TRPM3: variants seen among roughly 807,000 people sequenced by gnomAD.
The protein encoded by TRPM3 is long transient receptor potential channel 3.
In TRPM3, 77 loss-of-function variants were observed where a neutral mutation model predicts 181.2. That is an observed-to-expected ratio of 0.42 (90% CI 0.35 to 0.51). The LOEUF (loss-of-function observed/expected upper bound fraction) is 0.51. TRPM3 is among the 20% of genes least tolerant of loss of function. The pLI is 0.01. For synonymous variants in TRPM3, 745 were observed against 796.4 expected (o/e 0.94, Z 1.09); for missense variants, 1,759 against 2,196.7 (o/e 0.80, Z 3.98).
chr9:71,426,835 T>A (rs1054127309), intron 1 of TRPM3, among the ~76,000 whole-genome samples: 6 of 151,982 alleles, frequency 3.9e-5, no homozygotes, highest in Non-Finnish European at 7.4e-5. Context: ...AAAAAAAAAA[T>A]TCAGACCTAA....
intron 1 of TRPM3, among the ~76,000 whole-genome samples, chr9:71,431,258 G>A (rs1181334166): frequency 6.6e-6 from 1 of 152,084 alleles, no homozygotes; most frequent in Non-Finnish European, 1.5e-5. Flanking sequence ...AAGTTTTCTA[G>A]ATCTGGTTTT....
chr9:71,215,047 C>CAAAAAAAAAAAAAAAAAAAAA (rs72383590), intron 1 of TRPM3, among the ~76,000 whole-genome samples: 1 of 112,556 alleles, frequency 8.9e-6, no homozygotes, highest in Non-Finnish European at 1.9e-5. Flanking sequence ...AAAAAAAAAA[C>CAAAAAAAAAAAAAAAAAAAAA]AAAAAAAAAA....
At chr9:71,063,156 AG>A (rs984526501) in intron 1 of TRPM3, among the ~76,000 whole-genome samples, 14 of 152,088 alleles carry the variant, frequency 9.2e-5, no homozygotes, top group Non-Finnish European at 1.8e-4. Flanking sequence ...TCATCAAAGC[AG>A]GTCTTGATTC....
chr9:71,388,542 A>G (rs1323036255), intron 1 of TRPM3, among the ~76,000 whole-genome samples: 1 of 152,150 alleles, frequency 6.6e-6, no homozygotes, highest in Non-Finnish European at 1.5e-5. Context: ...CTTAAGAAAA[A>G]TGTAAGTCAT....
At chr9:71,312,713 A>G (rs1302308563) in intron 1 of TRPM3, among the ~76,000 whole-genome samples, 1 of 152,208 alleles carries the variant, frequency 6.6e-6, no homozygotes, top group Admixed American at 6.6e-5. Context: ...AATATTATTC[A>G]GTGCCAAAAA....
chr9:71,440,260 G>A (rs1390179123), intron 1 of TRPM3, among the ~76,000 whole-genome samples: 1 of 152,112 alleles, frequency 6.6e-6, no homozygotes, highest in African/African-American at 2.4e-5. Context: ...TTCACCCAAG[G>A]CTACACAGCT....
At chr9:71,112,910 C>T (rs901020109) in intron 1 of TRPM3, among the ~76,000 whole-genome samples, 1 of 152,110 alleles carries the variant, frequency 6.6e-6, no homozygotes, top group Non-Finnish European at 1.5e-5. Flanking sequence ...AGGTCTGGTG[C>T]AGGTTTTCCA....
intron 1 of TRPM3, among the ~76,000 whole-genome samples, chr9:71,308,449 G>C (rs568966680): frequency 1.4e-4 from 21 of 152,054 alleles, no homozygotes; most frequent in Non-Finnish European, 5.9e-5. Context: ...CATTTATCCA[G>C]GCTTATTAGC....
intron 1 of TRPM3, among the ~76,000 whole-genome samples, chr9:71,356,163 C>A (rs982135204): frequency 2.0e-5 from 3 of 152,102 alleles, no homozygotes; most frequent in Non-Finnish European, 4.4e-5. Context: ...TTTACTGTAG[C>A]CCTGTATATC....
chr9:71,084,527 C>T (rs550721428), intron 1 of TRPM3, among the ~76,000 whole-genome samples: 19 of 151,610 alleles, frequency 1.3e-4, no homozygotes, highest in Admixed American at 3.3e-4. Context: ...TGTACAATAG[C>T]CACACACACA....
chr9:71,049,789 A>T (rs12551920), intron 1 of TRPM3, among the ~76,000 whole-genome samples: 7,950 of 152,090 alleles, frequency 0.052, 294 homozygotes, highest in East Asian at 0.1. Flanking sequence ...GTCTTGGGAG[A>T]CTAGATTAAA....
chr9:70,631,589 G>T (rs1045869347), intron 12 of TRPM3, among the ~76,000 whole-genome samples: 7 of 152,076 alleles, frequency 4.6e-5, no homozygotes, highest in Non-Finnish European at 4.4e-5. Context: ...TACTAAAATG[G>T]CAGGTTATAT....
chr9:70,992,360 T>C (rs760648485), intron 1 of TRPM3, among the ~76,000 whole-genome samples: 1 of 152,210 alleles, frequency 6.6e-6, no homozygotes, highest in Non-Finnish European at 1.5e-5. Context: ...GCTTCTACAC[T>C]CCAAATATTA....
chr9:71,273,457 G>A (rs1034927887), intron 1 of TRPM3, among the ~76,000 whole-genome samples: 1 of 152,168 alleles, frequency 6.6e-6, no homozygotes, highest in Non-Finnish European at 1.5e-5. Context: ...CTTGGCATAA[G>A]ACCATAGAGA....
intron 1 of TRPM3, among the ~76,000 whole-genome samples, chr9:71,277,608 A>G (rs1298889896): frequency 2.0e-5 from 3 of 152,182 alleles, no homozygotes; most frequent in African/African-American, 4.8e-5. Flanking sequence ...TGAAGTCCAC[A>G]AAAGAGGCTC....
At chr9:71,105,855 G>T (rs1452303315) in intron 1 of TRPM3, among the ~76,000 whole-genome samples, 1 of 152,184 alleles carries the variant, frequency 6.6e-6, no homozygotes, top group East Asian at 1.9e-4. Context: ...GTTACCTTGG[G>T]TGGTAGTGAT....
At chr9:71,320,608 T>G (rs1194004437) in intron 1 of TRPM3, among the ~76,000 whole-genome samples, 1 of 152,206 alleles carries the variant, frequency 6.6e-6, no homozygotes, top group African/African-American at 2.4e-5. Flanking sequence ...CTTGACCCAG[T>G]GTATAAATAC....
chr9:71,080,567 C>A (rs1318021149), intron 1 of TRPM3, among the ~76,000 whole-genome samples: 1 of 152,078 alleles, frequency 6.6e-6, no homozygotes, highest in Admixed American at 6.5e-5. Flanking sequence ...AATGCCAGGT[C>A]CTTGGAGCCT....
intron 1 of TRPM3, among the ~76,000 whole-genome samples, chr9:71,228,660 T>C (rs10868988): frequency 0.43 from 65,127 of 151,918 alleles, 14,371 homozygotes; most frequent in East Asian, 0.52. Flanking sequence ...TCAGTAGCAT[T>C]TCTATATGTC....
Sources: allele counts gnomAD v4.1 joint callset (sites outside exome capture counted in the v4.1 genomes callset), GRCh38; gene constraint gnomAD v4.1.1; transcripts MANE v1.5; gene names NCBI Gene and HGNC (gene_info 2026-07-23, HGNC 2026-07-21).